GCLM: variants seen among roughly 807,000 people sequenced by gnomAD.
GCLM encodes the protein glutamate--cysteine ligase regulatory subunit.
A neutral mutation model predicts 36.0 loss-of-function variants in GCLM; 15 were observed. The observed-to-expected ratio is 0.42, with a 90% CI of 0.28 to 0.64. The LOEUF (loss-of-function observed/expected upper bound fraction) is 0.64. GCLM is among the 30% of genes least tolerant of loss of function. The probability of loss-of-function intolerance (pLI) is 0.25; values close to 1 mark genes in which losing one functional copy is unlikely to be tolerated. For synonymous variants in GCLM, 129 were observed against 122.8 expected (o/e 1.05, Z -0.34); for missense variants, 242 against 325.5 (o/e 0.74, Z 1.97).
At chr1:93,897,416 A>G (rs1656771548) in intron 4 of GCLM, among the ~76,000 whole-genome samples, 2 of 152,160 alleles carry the variant, frequency 1.3e-5, no homozygotes, top group African/African-American at 4.8e-5. Flanking sequence ...TAAGTTTTCA[A>G]TATATGTAAA....
At chr1:93,898,303 G>GAAAAAAAACAAAAAA (rs1656809125) in intron 3 of GCLM, among the ~76,000 whole-genome samples, 1 of 16,442 alleles carries the variant, frequency 6.1e-5, no homozygotes, top group Non-Finnish European at 1.2e-4. Flanking sequence ...GAAGAAAACT[G>GAAAAAAAACAAAAAA]AAAAAAAAAA....
chr1:93,902,468 G>A (rs1353166723), intron 2 of GCLM, among the ~76,000 whole-genome samples: 2 of 150,902 alleles, frequency 1.3e-5, no homozygotes, highest in Non-Finnish European at 3.0e-5. Flanking sequence ...ATGAGCCACC[G>A]CGCCCAGCCT....
chr1:93,896,472 C>A, intron 5 of GCLM, 146 bp downstream of exon 5: 1 of 665,308 alleles, frequency 1.5e-6, no homozygotes, highest in Non-Finnish European at 2.7e-6. Flanking sequence ...TGCCTCAAAA[C>A]TCCTGCAGAA....
intron 3 of GCLM, among the ~76,000 whole-genome samples, chr1:93,899,284 G>C (rs1415043930): frequency 6.6e-6 from 1 of 152,052 alleles, no homozygotes; most frequent in African/African-American, 2.4e-5. Flanking sequence ...ATGTTGTCCA[G>C]GCTGGTCTCG....
intron 1 of GCLM, among the ~76,000 whole-genome samples, chr1:93,908,259 G>A (rs1246162189): frequency 6.6e-6 from 1 of 152,132 alleles, no homozygotes; most frequent in Non-Finnish European, 1.5e-5. Context: ...CCAACAAATA[G>A]GTAACAAGTT....
At chr1:93,891,019 G>A (rs904877587) in intron 6 of GCLM, among the ~76,000 whole-genome samples, 3 of 151,766 alleles carry the variant, frequency 2.0e-5, no homozygotes, top group African/African-American at 7.3e-5. Context: ...TAGGACTAGA[G>A]GTGTGCGTCA....
chr1:93,899,946 CA>C (rs1322006522), intron 3 of GCLM, among the ~76,000 whole-genome samples: 2 of 151,342 alleles, frequency 1.3e-5, no homozygotes, highest in Non-Finnish European at 2.9e-5. Context: ...AGAAGAGCAA[CA>C]AAAAAAATCA....
At chr1:93,904,972 A>G (rs1422256959) in intron 1 of GCLM, among the ~76,000 whole-genome samples, 6 of 152,064 alleles carry the variant, frequency 3.9e-5, no homozygotes, top group African/African-American at 1.2e-4. Flanking sequence ...TCAGGAGTTC[A>G]AGACCAGCCT....
At chr1:93,908,983 C>G in intron 1 of GCLM, 55 bp downstream of exon 1, 1 of 1,361,000 alleles carries the variant, frequency 7.3e-7, no homozygotes, top group Non-Finnish European at 9.5e-7. Flanking sequence ...CGGAACCGCC[C>G]GGCCCCGCCC....
chr1:93,897,766 C>T, intron 4 of GCLM, 73 bp downstream of exon 4: 1 of 748,402 alleles, frequency 1.3e-6, no homozygotes, highest in Non-Finnish European at 2.2e-6. Context: ...TGGACCTAAG[C>T]ACAAGTTATA....
rs1656389968 is a variant in GCLM, at chr1:93,888,104, A to G, written c.*886T>C. ...TATTAATGGGGAATAAATATTACAC[A>G]TTTTACTCAACTGATTCTTAATTCC... On this transcript the variant is annotated 3_prime_UTR_variant, in exon 7 of 7. Transcript: ENST00000370238. The G allele has an allele frequency of 6.6e-6, 1 of 152,032 alleles. No individual in the cohort carries two copies. Among genetic ancestry groups the G allele is most frequent in the African/African-American group, 2.4e-5 (1 of 41,390 alleles). The allele number at this position is 152,032 out of a possible 1,614,324, so 9.4% of individuals were successfully genotyped here. A position where few individuals can be genotyped will look rare whatever the true frequency, so the allele number is the denominator to read the frequency against.
intron 6 of GCLM, among the ~76,000 whole-genome samples, chr1:93,890,381 A>G (rs1258227355): frequency 6.6e-6 from 1 of 152,158 alleles, no homozygotes; most frequent in African/African-American, 2.4e-5. Context: ...TTATTATCCA[A>G]TGTATAGACT....
In GCLM at chr1:93,909,024, G is replaced by T; in HGVS notation, c.126+14C>A. ...CTGCCCCGGGAGCCCCGCGGCGAGT[G>T]TCGCCACGCTCACCTCCTCGCTGTG... is the stretch of plus-strand genomic sequence containing the variant. On this transcript the variant is annotated intron_variant, in intron 1 of 6. Coordinates refer to ENST00000370238, the MANE Select transcript of GCLM (RefSeq NM_002061.4). 6.9e-7 allele frequency: 1 copy of T among 1,455,326 alleles called. No homozygotes were observed. 90.2% of individuals were successfully genotyped at this position (1,455,326 alleles called of 1,614,324 possible).
chr1:93,905,338 T>C (rs371122315), intron 1 of GCLM, among the ~76,000 whole-genome samples: 1 of 152,190 alleles, frequency 6.6e-6, no homozygotes, highest in Non-Finnish European at 1.5e-5. Flanking sequence ...GTGTGGCTGG[T>C]AAATCCTACC....
rs534686967 is a variant in GCLM at position 93,892,040 on chromosome 1, T to C, written c.655+2574A>G. 1.4e-4 allele frequency among the ~76,000 whole-genome samples: 22 copies of C among 152,254 alleles called. No individual in the cohort carries two copies. In the South Asian group the frequency reaches 4.6e-3, roughly 32 times the overall value. ...AAATGTCTCCTTGGAAAAGTAACAT[T>C]AATATGGATTTGTTTATCAGATTTT... On this transcript the variant is annotated intron_variant, in intron 6 of 6. Coordinates refer to ENST00000370238, the MANE Select transcript of GCLM (RefSeq NM_002061.4).
intron 2 of GCLM, 46 bp from the exon 3 acceptor site, chr1:93,901,715 CTGAT>C: frequency 1.0e-6 from 1 of 989,064 alleles, no homozygotes; most frequent in Non-Finnish European, 1.5e-6. Flanking sequence ...TTTAATGCTT[CTGAT>C]TAATTATAAA....
chr1:93,890,787 G>A (rs1319114696), intron 6 of GCLM, among the ~76,000 whole-genome samples: 1 of 152,002 alleles, frequency 6.6e-6, no homozygotes, highest in Non-Finnish European at 1.5e-5. Flanking sequence ...ACGCTATATT[G>A]CCAACTGCTT....
At chr1:93,908,771 T>A in intron 1 of GCLM, 1 of 271,578 alleles carries the variant, frequency 3.7e-6, no homozygotes, top group Non-Finnish European at 6.9e-6. Context: ...TGTTTGAGAG[T>A]TTTGCTACCA....
At position 93,886,347 on chromosome 1, in the gene GCLM, T is replaced by C. The variant is rs1656301445; in HGVS notation, c.*2643A>G. 1 of 152,210 alleles carries C rather than the reference T, an allele frequency of 6.6e-6. No individual in the cohort carries two copies. The highest frequency in any genetic ancestry group is 2.1e-4 in the South Asian group (1 of 4,836). The allele number at this position is 152,210 out of a possible 1,614,324, so 9.4% of individuals were successfully genotyped here. A position where few individuals can be genotyped will look rare whatever the true frequency, so the allele number is the denominator to read the frequency against. On this transcript the variant is annotated 3_prime_UTR_variant, in exon 7 of 7. Transcript: ENST00000370238. ...TTAGCTTTCAGTTTTAAGTAATTAT[T>C]TGGTAGTATTACCACTCTCTATTTT...
Sources: gnomAD v4.1 joint callset for allele counts (sites outside exome capture counted in the v4.1 genomes callset) on GRCh38, gnomAD v4.1.1 for gene constraint, MANE v1.5 for transcripts, NCBI Gene and HGNC (gene_info 2026-07-23, HGNC 2026-07-21) for gene names.